CAMKK2: variants seen among roughly 807,000 people sequenced by gnomAD.
CAMKK2 encodes calcium/calmodulin dependent protein kinase kinase 2.
Under a neutral mutation model 67.2 loss-of-function variants are expected in CAMKK2, and 30 were observed. That is an observed-to-expected ratio of 0.45 (90% CI 0.33 to 0.61). The LOEUF (loss-of-function observed/expected upper bound fraction) is 0.61, where lower values mean the gene tolerates loss of function less well. CAMKK2 is among the 20% of genes least tolerant of loss of function. The pLI is 0.02. For missense variants in CAMKK2, 643 were observed against 802.0 expected, an observed-to-expected ratio of 0.80 and a Z score of 2.39; for synonymous variants, 322 against 326.2, an observed-to-expected ratio of 0.99 and a Z score of 0.14.
intron 2 of CAMKK2, among the ~76,000 whole-genome samples, chr12:121,271,194 G>C (rs769764429): frequency 6.6e-6 from 1 of 151,068 alleles, no homozygotes; most frequent in Non-Finnish European, 1.5e-5. Context: ...AGAATCGCGT[G>C]AGCCCAGGAG....
intron 1 of CAMKK2, among the ~76,000 whole-genome samples, chr12:121,294,757 T>C (rs1196708627): frequency 1.3e-5 from 2 of 152,204 alleles, no homozygotes; most frequent in African/African-American, 4.8e-5. Context: ...ACTATGGGGT[T>C]AAAATTCCCT....
At chr12:121,252,797 T>G in intron 10 of CAMKK2, 83 bp from the exon 11 acceptor site, 1 of 1,389,258 alleles carries the variant, frequency 7.2e-7, no homozygotes, top group Non-Finnish European at 1.0e-6. Flanking sequence ...GAACCACCTC[T>G]TGACTTTCAG....
intron 6 of CAMKK2, among the ~76,000 whole-genome samples, chr12:121,262,973 GT>G (rs150740421): frequency 1.2e-4 from 18 of 146,370 alleles, no homozygotes; most frequent in South Asian, 2.2e-4. Context: ...TTCAAAAAAA[GT>G]TTTTTTTTTT....
intron 1 of CAMKK2, among the ~76,000 whole-genome samples, chr12:121,281,496 C>A (rs892671189): frequency 6.6e-6 from 1 of 152,254 alleles, no homozygotes; most frequent in African/African-American, 2.4e-5. Flanking sequence ...CTGAGGCCCA[C>A]AGAGGTCCTC....
At chr12:121,242,629 A>G (rs1174049990) in intron 16 of CAMKK2, among the ~76,000 whole-genome samples, 1 of 152,246 alleles carries the variant, frequency 6.6e-6, no homozygotes, top group Non-Finnish European at 1.5e-5. Flanking sequence ...TCCCTGCTCT[A>G]TGCTGGAGGG....
intron 1 of CAMKK2, among the ~76,000 whole-genome samples, chr12:121,277,132 C>A (rs11615578): frequency 6.6e-6 from 1 of 152,066 alleles, no homozygotes; most frequent in East Asian, 1.9e-4. Flanking sequence ...ATAGCTACTA[C>A]GCCAGGCACG....
intron 1 of CAMKK2, among the ~76,000 whole-genome samples, chr12:121,293,156 A>G (rs750970708): frequency 6.6e-6 from 1 of 152,076 alleles, no homozygotes; most frequent in Non-Finnish European, 1.5e-5. Context: ...GTGTACCTGT[A>G]ATCCCAGCCA....
chr12:121,250,503 A>G (rs1890477271), intron 11 of CAMKK2, among the ~76,000 whole-genome samples: 1 of 152,064 alleles, frequency 6.6e-6, no homozygotes, highest in Non-Finnish European at 1.5e-5. Flanking sequence ...TGTTCTTCTC[A>G]CCAACATCTA....
rs1889155086 is a variant in CAMKK2 at position 121,245,049 on chromosome 12, G to A, written c.1553+91C>T. 1 of 860,690 alleles carries A rather than the reference G, an allele frequency of 1.2e-6. No individual in the cohort carries two copies. The highest frequency in any genetic ancestry group is 1.5e-5 in the South Asian group (1 of 67,418). 53.3% of individuals were successfully genotyped at this position (860,690 alleles called of 1,614,324 possible). A position where few individuals can be genotyped will look rare whatever the true frequency, so the allele number is the denominator to read the frequency against. ...TCTCTCCAGATGGCACCACTTCAGG[G>A]AGGACCTGTGCAGAGTGGTCTGGGC... is the stretch of plus-strand genomic sequence containing the variant. On this transcript the variant is annotated intron_variant, in intron 15 of 16. Transcript: ENST00000404169. The surrounding 1 kb of genome is among the most constrained non-coding windows in gnomAD (Gnocchi z 5.8).
intron 1 of CAMKK2, among the ~76,000 whole-genome samples, chr12:121,283,220 T>G (rs1000602576): frequency 2.6e-5 from 4 of 152,152 alleles, no homozygotes; most frequent in African/African-American, 7.2e-5. Context: ...CCTGAGAGGC[T>G]CGGCTGCATC....
chr12:121,281,904 C>T (rs1320664949), intron 1 of CAMKK2, among the ~76,000 whole-genome samples: 1 of 152,182 alleles, frequency 6.6e-6, no homozygotes, highest in Non-Finnish European at 1.5e-5. Flanking sequence ...CAAGATTGGG[C>T]CATTGCACTC....
intron 1 of CAMKK2, among the ~76,000 whole-genome samples, chr12:121,279,250 C>A (rs1303736891): frequency 2.0e-5 from 3 of 152,294 alleles, no homozygotes; most frequent in Admixed American, 2.0e-4. Flanking sequence ...CAGCTCAGAC[C>A]CCGGGCAGGG....
At chr12:121,276,756 C>T (rs546370163) in intron 1 of CAMKK2, among the ~76,000 whole-genome samples, 3 of 152,006 alleles carry the variant, frequency 2.0e-5, no homozygotes, top group African/African-American at 4.8e-5. Flanking sequence ...TGTAGTGGCT[C>T]ATGCCTATAA....
At chr12:121,255,266 A>ATATATATAAAAT (rs1891778058) in intron 9 of CAMKK2, among the ~76,000 whole-genome samples, 1 of 15,390 alleles carries the variant, frequency 6.5e-5, no homozygotes, top group African/African-American at 2.9e-4. Flanking sequence ...ATATAATTTT[A>ATATATATAAAAT]TATATATATA....
intron 7 of CAMKK2, among the ~76,000 whole-genome samples, chr12:121,259,603 C>T (rs13377811): frequency 0.015 from 2,252 of 152,174 alleles, 58 homozygotes; most frequent in African/African-American, 0.051. Context: ...TATAATCTGG[C>T]CATACCTATA....
chr12:121,295,936 A>G lies in CAMKK2; in HGVS notation c.-60+702T>C, dbSNP rs552529063. On this transcript the variant is annotated intron_variant, in intron 1 of 16. Coordinates refer to ENST00000404169, the MANE Select transcript of CAMKK2 (RefSeq NM_001270485.2). Reference sequence around the variant, plus strand: ...GTGGCACCCCAGGCACAGAGCCCCAATGCTGAGAGGGGCTGGGTCCAGTGT... The same window carrying G: ...GTGGCACCCCAGGCACAGAGCCCCAGTGCTGAGAGGGGCTGGGTCCAGTGT... Among the ~76,000 whole-genome samples, 73 of 138,018 alleles carry G rather than the reference A, an allele frequency of 5.3e-4. 1 individual carries two copies. The highest frequency in any genetic ancestry group is 1.9e-3 in the African/African-American group (66 of 35,228). 90.5% of individuals were successfully genotyped at this position (138,018 alleles called of 152,430 possible).
rs767661175 is a variant in CAMKK2, at chr12:121,274,282, G to A, written c.245C>T (p.Pro82Leu). 4 of 1,612,288 alleles carry A rather than the reference G, an allele frequency of 2.5e-6. No homozygotes were observed. The highest frequency in any genetic ancestry group is 3.4e-6 in the Non-Finnish European group (4 of 1,179,088). Reference protein sequence around the residue: ...RPLEADGQEVPLDTSGSQARP... With the variant: ...RPLEADGQEVLLDTSGSQARP... ...GGCCTGGGACCCGGAGGTGTCAAGG[G>A]GGACCTCTTGGCCATCGGCCTCCAG... The change falls in exon 2 of 17, where the codon CCC (proline) becomes CTC (leucine). Residue 82 changes from proline to leucine, a missense_variant. Coordinates refer to ENST00000404169, the MANE Select transcript of CAMKK2 (RefSeq NM_001270485.2).
chr12:121,279,828 G>A (rs948959232), intron 1 of CAMKK2, among the ~76,000 whole-genome samples: 2 of 152,238 alleles, frequency 1.3e-5, no homozygotes, highest in Non-Finnish European at 2.9e-5. Flanking sequence ...GGGCCAGGAT[G>A]AGGGAAACGC....
At chr12:121,284,089 C>G (rs1898282513) in intron 1 of CAMKK2, among the ~76,000 whole-genome samples, 1 of 152,252 alleles carries the variant, frequency 6.6e-6, no homozygotes, top group South Asian at 2.1e-4. Flanking sequence ...CGGCCCACAT[C>G]TCATGCCCTG....
Sources: allele counts gnomAD v4.1 joint callset (sites outside exome capture counted in the v4.1 genomes callset), GRCh38; gene constraint gnomAD v4.1.1; non-coding constraint Gnocchi (gnomAD v3.1); transcripts MANE v1.5; gene names NCBI Gene and HGNC (gene_info 2026-07-23, HGNC 2026-07-21).